Variants in ANK3 observed in about 807,000 individuals in gnomAD.
The protein encoded by ANK3 is ankyrin 3, also known as ankyrin-3.
Under a neutral mutation model 370.9 loss-of-function variants are expected in ANK3, and 57 were observed. That is an observed-to-expected ratio of 0.15 (90% CI 0.12 to 0.19). ANK3 has a LOEUF of 0.19. ANK3 is among the 10% of genes least tolerant of loss of function. The probability of loss-of-function intolerance (pLI) is 1.00; values close to 1 mark genes in which losing one functional copy is unlikely to be tolerated. For missense variants in ANK3, 4,439 were observed against 5,302.1 expected, an observed-to-expected ratio of 0.84 and a Z score of 5.06; for synonymous variants, 1,929 against 1,946.3, an observed-to-expected ratio of 0.99 and a Z score of 0.23.
At chr10:60,709,379 G>C (rs2079669319) in intron 1 of ANK3, among the ~76,000 whole-genome samples, 1 of 151,358 alleles carries the variant, frequency 6.6e-6, no homozygotes, top group Non-Finnish European at 1.5e-5. Flanking sequence ...ATTAGCCTAG[G>C]GCACCCACCC....
intron 1 of ANK3, among the ~76,000 whole-genome samples, chr10:60,653,167 G>A (rs566344437): frequency 2.6e-4 from 40 of 152,082 alleles, no homozygotes; most frequent in Non-Finnish European, 4.4e-4. Flanking sequence ...CCCACTTGAC[G>A]AATTATTCTC....
intron 2 of ANK3, among the ~76,000 whole-genome samples, chr10:60,447,951 T>C (rs948793071): frequency 4.6e-5 from 7 of 152,166 alleles, no homozygotes; most frequent in Admixed American, 4.6e-4. Flanking sequence ...TTCACAAATA[T>C]AGGGACCCTT....
chr10:60,185,456 G>A (rs1456359242), intron 17 of ANK3, among the ~76,000 whole-genome samples: 1 of 152,154 alleles, frequency 6.6e-6, no homozygotes, highest in Non-Finnish European at 1.5e-5. Flanking sequence ...GGCTCAGAGA[G>A]GTAATATAAC....
At chr10:60,146,055 A>G in intron 23 of ANK3, 1 of 1,526,322 alleles carries the variant, frequency 6.6e-7, no homozygotes, top group East Asian at 2.4e-5. Flanking sequence ...AACAAAATAA[A>G]ACAAAACAAA....
intron 42 of ANK3, among the ~76,000 whole-genome samples, chr10:60,046,618 A>C (rs2077007319): frequency 6.6e-6 from 1 of 152,306 alleles, no homozygotes; most frequent in South Asian, 2.1e-4. Flanking sequence ...ATTTATAAAT[A>C]ATAAGCCAAA....
intron 1 of ANK3, among the ~76,000 whole-genome samples, chr10:60,280,123 G>T (rs2098140038): frequency 1.3e-5 from 2 of 152,186 alleles, no homozygotes; most frequent in South Asian, 4.1e-4. Context: ...GAGTGCAGTG[G>T]TGCAATCACA....
At chr10:60,030,181 T>C (rs1024081650) in intron 43 of ANK3, among the ~76,000 whole-genome samples, 5 of 152,194 alleles carry the variant, frequency 3.3e-5, no homozygotes, top group South Asian at 2.1e-4. Context: ...CTTGCTCTGT[T>C]GCCCAGGCTG....
intron 23 of ANK3, among the ~76,000 whole-genome samples, chr10:60,162,464 C>T (rs73261200): frequency 0.028 from 4,333 of 152,234 alleles, 170 homozygotes; most frequent in African/African-American, 0.082. Context: ...CTCCAACTTG[C>T]CCATTCAGTT....
rs1319733954 is a variant in ANK3, at chr10:60,029,257, G to C, written c.*589C>G. The C allele has an allele frequency of 2.0e-5, 3 of 152,216 alleles. No homozygotes were observed. Among genetic ancestry groups the C allele is most frequent in the Non-Finnish European group, 4.4e-5 (3 of 67,998 alleles). The allele number at this position is 152,216 out of a possible 1,614,324, so 9.4% of individuals were successfully genotyped here. ...GTGAAGTCACTTGAGACCCCTATTT[G>C]TTAAATGCATTTGCAATATTCTGTT... is the stretch of plus-strand genomic sequence containing the variant. On this transcript the variant is annotated 3_prime_UTR_variant, in exon 44 of 44. Coordinates refer to ENST00000280772, the MANE Select transcript of ANK3 (RefSeq NM_020987.5).
At chr10:60,551,917 A>G (rs187353075) in intron 2 of ANK3, among the ~76,000 whole-genome samples, 9 of 152,312 alleles carry the variant, frequency 5.9e-5, no homozygotes, top group African/African-American at 1.7e-4. Context: ...TGTGCCATCA[A>G]TATGGGAGAT....
chr10:60,269,656 C>A (rs563426625), intron 5 of ANK3, among the ~76,000 whole-genome samples: 14 of 146,758 alleles, frequency 9.5e-5, no homozygotes, highest in Admixed American at 2.0e-4. Context: ...CCTCCCCCCC[C>A]CCAAAAAAAG....
At chr10:60,626,897 A>C (rs943528204) in intron 1 of ANK3, among the ~76,000 whole-genome samples, 19 of 152,096 alleles carry the variant, frequency 1.2e-4, no homozygotes, top group African/African-American at 4.6e-4. Flanking sequence ...CTGGGGAGGG[A>C]GACCAGGACA....
intron 1 of ANK3, among the ~76,000 whole-genome samples, chr10:60,313,385 AG>A (rs2046758076): frequency 6.6e-6 from 1 of 152,368 alleles, no homozygotes; most frequent in Admixed American, 6.5e-5. Context: ...TGCAAAAAAA[AG>A]AGCCTCACTT....
At chr10:60,181,125 A>T (rs762587500) in intron 18 of ANK3, among the ~76,000 whole-genome samples, 1 of 152,206 alleles carries the variant, frequency 6.6e-6, no homozygotes, top group African/African-American at 2.4e-5. Context: ...AGCTAGAATC[A>T]AGTACCCAGG....
intron 1 of ANK3, among the ~76,000 whole-genome samples, chr10:60,716,562 GGA>G (rs1362870211): frequency 5.9e-5 from 9 of 152,106 alleles, no homozygotes; most frequent in African/African-American, 2.2e-4. Flanking sequence ...CACCGAGGCT[GGA>G]GTGTAGTGGC....
At chr10:60,169,376 T>TTG (rs1565439361) in intron 21 of ANK3, among the ~76,000 whole-genome samples, 3 of 150,554 alleles carry the variant, frequency 2.0e-5, no homozygotes, top group African/African-American at 4.9e-5. Context: ...TTTTTTTTTT[T>TTG]TTTTTTTTTT....
intron 2 of ANK3, among the ~76,000 whole-genome samples, chr10:60,513,004 A>G (rs1487401469): frequency 6.6e-6 from 1 of 152,142 alleles, no homozygotes; most frequent in Non-Finnish European, 1.5e-5. Context: ...GAACAACTTT[A>G]ATGTTAAAAA....
chr10:60,427,436 A>G (rs1040499066), intron 2 of ANK3, among the ~76,000 whole-genome samples: 2 of 152,058 alleles, frequency 1.3e-5, no homozygotes. Context: ...TTGGTGAGGA[A>G]CCACAGAGAT....
intron 2 of ANK3, among the ~76,000 whole-genome samples, chr10:60,519,018 C>T (rs751686033): frequency 1.7e-4 from 26 of 152,088 alleles, no homozygotes; most frequent in Non-Finnish European, 3.8e-4. Flanking sequence ...GTTATTTCCC[C>T]TTTATAATAA....
Sources: allele counts gnomAD v4.1 joint callset (sites outside exome capture counted in the v4.1 genomes callset), GRCh38; gene constraint gnomAD v4.1.1; transcripts MANE v1.5; gene names NCBI Gene and HGNC (gene_info 2026-07-23, HGNC 2026-07-21).